RALGDS: variants seen among roughly 807,000 people sequenced by gnomAD.
RALGDS encodes the protein ral guanine nucleotide exchange factor.
RALGDS carries 44 observed loss-of-function variants against 99.8 expected under a neutral mutation model. The observed-to-expected ratio is 0.44, with a 90% CI of 0.35 to 0.57. The LOEUF is 0.57. Among genes scored for constraint, RALGDS ranks in the 20% least tolerant of loss-of-function variants. The pLI is 0.01. For missense variants in RALGDS, 1,022 were observed against 1,203.1 expected, an observed-to-expected ratio of 0.85 and a Z score of 2.23; for synonymous variants, 529 against 505.0, an observed-to-expected ratio of 1.05 and a Z score of -0.64.
upstream of RALGDS, among the ~76,000 whole-genome samples, chr9:133,122,795 C>A (rs1831995338): frequency 6.6e-6 from 1 of 151,432 alleles, no homozygotes; most frequent in African/African-American, 2.4e-5. Context: ...GCCTCCGCCT[C>A]TTGGGGTCAA....
intron 4 of RALGDS, 44 bp downstream of exon 4, chr9:133,109,582 C>T (rs779587989): frequency 3.8e-5 from 59 of 1,534,660 alleles, no homozygotes; most frequent in Admixed American, 5.0e-5. Flanking sequence ...TCCCACTGTT[C>T]GGTGGGGACA....
At chr9:133,116,141 TGTCC>T (rs1831597484) in intron 1 of RALGDS, among the ~76,000 whole-genome samples, 2 of 152,158 alleles carry the variant, frequency 1.3e-5, no homozygotes, top group African/African-American at 2.4e-5. Context: ...CTCGTGTCCG[TGTCC>T]GTGACCCTCC....
intron 17 of RALGDS, 102 bp downstream of exon 17, chr9:133,100,166 A>T: frequency 9.4e-7 from 1 of 1,067,198 alleles, no homozygotes; most frequent in East Asian, 2.4e-5. Context: ...GTCTACCCAC[A>T]CTCTGCTGGT....
intron 1 of RALGDS, among the ~76,000 whole-genome samples, chr9:133,143,771 T>TAACAACAAC (rs759265482): frequency 3.9e-4 from 44 of 111,594 alleles, no homozygotes; most frequent in East Asian, 7.4e-4. Context: ...ATAATAATAA[T>TAACAACAAC]AACAACAACA....
chr9:133,097,908 C>T lies in RALGDS; in HGVS notation c.*679G>A, dbSNP rs886545701. Reference sequence around the variant, plus strand: ...CACTAACCCCCGTCTTGCATGGTCTCGTAAAGCCCAGGACGCAGTGGTGAA... The same window carrying T: ...CACTAACCCCCGTCTTGCATGGTCTTGTAAAGCCCAGGACGCAGTGGTGAA... On this transcript the variant is annotated 3_prime_UTR_variant, in exon 18 of 18. Transcript: ENST00000372050. 16 of 229,472 alleles carry T rather than the reference C, an allele frequency of 7.0e-5. No homozygotes were observed. The highest frequency in any genetic ancestry group is 2.3e-4 in the Admixed American group (4 of 17,606). The allele number at this position is 229,472 out of a possible 1,614,324, so 14.2% of individuals were successfully genotyped here.
Position 133,143,130 on chromosome 9 carries a change from C to T in RALGDS, c.18+5833G>A, listed in dbSNP as rs372226631. Among the ~76,000 whole-genome samples the T allele has an allele frequency of 2.0e-5, 3 of 152,252 alleles. No individual in the cohort carries two copies. The East Asian group carries it at 5.8e-4, about 29-fold the overall frequency. On this transcript the variant is annotated intron_variant, in intron 1 of 17. Transcript: ENST00000393160. ...GCAGCAGGGGACAGAGGGAAGGACT[C>T]TGTGGAGAATAGTCCTGTGGCTAGC...
intron 12 of RALGDS, 71 bp from the exon 13 acceptor site, chr9:133,102,971 T>TTGTTCTTG: frequency 6.3e-7 from 1 of 1,595,666 alleles, no homozygotes; most frequent in Non-Finnish European, 8.5e-7. Flanking sequence ...CTCTGGGTCT[T>TTGTTCTTG]TGTTCTTGGG....
chr9:133,108,489 A>G, intron 5 of RALGDS, 83 bp from the exon 6 acceptor site: 1 of 1,459,148 alleles, frequency 6.9e-7, no homozygotes, highest in Non-Finnish European at 9.3e-7. Flanking sequence ...CTTCCAGAGA[A>G]GCCTCTCTCC....
At chr9:133,121,389 G>A (rs888643947), upstream of RALGDS, 5 of 226,284 alleles carry the variant, frequency 2.2e-5, no homozygotes, top group Non-Finnish European at 3.7e-5. Flanking sequence ...GGTCAGACCC[G>A]GGGCGGGACC....
chr9:133,142,853 G>T (rs918662635), intron 1 of RALGDS, among the ~76,000 whole-genome samples: 3 of 152,204 alleles, frequency 2.0e-5, no homozygotes, highest in Non-Finnish European at 2.9e-5. Flanking sequence ...AGCCCTGACC[G>T]TTGGAAGGCC....
At chr9:133,101,335 TC>T in intron 16 of RALGDS, 184 bp downstream of exon 16, 1 of 1,453,562 alleles carries the variant, frequency 6.9e-7, no homozygotes, top group Non-Finnish European at 9.4e-7. Flanking sequence ...GCTCCTTTCC[TC>T]CCCCTCTGCC....
At position 133,103,837 on chromosome 9, in the gene RALGDS, T is replaced by G; in HGVS notation, c.1672-4A>C. On this transcript the variant is annotated splice_region_variant and splice_polypyrimidine_tract_variant and intron_variant, in intron 10 of 17. Transcript: ENST00000372050. ...GAACGGTGCCCTGGATGATGCCCTG[T>G]GACATTGGGGTAGGAGGATGAGCAA... 1 of 1,612,690 alleles carries G rather than the reference T, an allele frequency of 6.2e-7. No homozygotes were observed. Among genetic ancestry groups the G allele is most frequent in the Non-Finnish European group, 8.5e-7 (1 of 1,179,618 alleles).
chr9:133,117,787 C>A (rs1831686181), intron 1 of RALGDS, among the ~76,000 whole-genome samples: 1 of 152,260 alleles, frequency 6.6e-6, no homozygotes, highest in African/African-American at 2.4e-5. Context: ...GGGCGGCCAA[C>A]CAGCAGCTCT....
upstream of RALGDS, among the ~76,000 whole-genome samples, chr9:133,132,739 A>G (rs1832360488): frequency 6.6e-6 from 1 of 152,084 alleles, no homozygotes; most frequent in African/African-American, 2.4e-5. Flanking sequence ...TCCCGGGTTC[A>G]AGCGAGTCTC....
chr9:133,135,386 C>A (rs950532231), upstream of RALGDS, among the ~76,000 whole-genome samples: 2 of 152,250 alleles, frequency 1.3e-5, no homozygotes, highest in African/African-American at 4.8e-5. Flanking sequence ...GCACTGGCTG[C>A]CTGCCCGCCG....
chr9:133,106,696 A>G lies in RALGDS; in HGVS notation c.1466T>C (p.Leu489Pro). The G allele has an allele frequency of 6.2e-7, 1 of 1,612,974 alleles. No individual in the cohort carries two copies. The highest frequency in any genetic ancestry group is 8.5e-7 in the Non-Finnish European group (1 of 1,179,688). ...CAGACGGTGGATGGAGTTGCTCTGC[A>G]GGGCAGAGAGGATGGCATACAGTGA... is the stretch of plus-strand genomic sequence containing the variant. ...FSSLYAILSA[L>P]QSNSIHRLKK... Residue 489 changes from leucine (L) to proline (P), a missense_variant, in exon 8 of 18, where the codon CTG (leucine) becomes CCG (proline). Leu to Pro is a moderately conservative substitution (Grantham distance 98). Transcript: ENST00000372050.
At chr9:133,111,565 G>A (rs1357930396) in intron 2 of RALGDS, among the ~76,000 whole-genome samples, 1 of 152,370 alleles carries the variant, frequency 6.6e-6, no homozygotes, top group South Asian at 2.1e-4. Context: ...ACAGGCATGA[G>A]CCACTGCGCC....
exon 1 of RALGDS, chr9:133,148,990 C>T: frequency 6.3e-7 from 1 of 1,583,968 alleles, no homozygotes; most frequent in Non-Finnish European, 8.6e-7. Context: ...TCCTCAGCCT[C>T]GGTGGCACAT....
chr9:133,138,797 G>A (rs1177280590), intron 1 of RALGDS, among the ~76,000 whole-genome samples: 1 of 152,156 alleles, frequency 6.6e-6, no homozygotes, highest in African/African-American at 2.4e-5. Context: ...ACCACGCCCG[G>A]CTAATTTTTG....
Sources: gnomAD v4.1 joint callset for allele counts (sites outside exome capture counted in the v4.1 genomes callset) on GRCh38, gnomAD v4.1.1 for gene constraint, MANE v1.5 for transcripts, NCBI Gene and HGNC (gene_info 2026-07-23, HGNC 2026-07-21) for gene names.